The following OXSR1 variants were observed in gnomAD, a reference collection of about 807,000 sequenced individuals.
The protein encoded by OXSR1 is serine/threonine-protein kinase OSR1.
OXSR1 carries 24 observed loss-of-function variants against 79.8 expected under a neutral mutation model. That is an observed-to-expected ratio of 0.30 (90% CI 0.22 to 0.42). The LOEUF (loss-of-function observed/expected upper bound fraction) is 0.42. OXSR1 is among the 10% of genes least tolerant of loss of function. The pLI is 1.00. For missense variants in OXSR1, 430 were observed against 618.4 expected, an observed-to-expected ratio of 0.70 and a Z score of 3.23; for synonymous variants, 226 against 209.2, an observed-to-expected ratio of 1.08 and a Z score of -0.69.
At chr3:38,185,076 C>A (rs1157140626) in intron 2 of OXSR1, among the ~76,000 whole-genome samples, 1 of 149,904 alleles carries the variant, frequency 6.7e-6, no homozygotes, top group Non-Finnish European at 1.5e-5. Context: ...GAACATTGAT[C>A]GCACCATTGC....
At chr3:38,243,762 T>G (rs771494710) in intron 12 of OXSR1, among the ~76,000 whole-genome samples, 11 of 152,276 alleles carry the variant, frequency 7.2e-5, no homozygotes, top group Non-Finnish European at 1.5e-5. Flanking sequence ...AAACAAATAC[T>G]GTTCCTTCAC....
rs1306828797 is a variant in OXSR1, at chr3:38,254,449, A to C, written c.*1558A>C. On this transcript the variant is annotated 3_prime_UTR_variant, in exon 18 of 18. Coordinates refer to ENST00000311806, the MANE Select transcript of OXSR1 (RefSeq NM_005109.3). ...GGGAGGAAGAGAGGAGATGGATTTCAGTTGGGAGTTAGGAGGAGAGTAGGT... is the reference window on the plus strand; with the variant it reads ...GGGAGGAAGAGAGGAGATGGATTTCCGTTGGGAGTTAGGAGGAGAGTAGGT... 1 of 387,754 alleles carries C rather than the reference A, an allele frequency of 2.6e-6. No homozygotes were observed. The highest frequency in any genetic ancestry group is 2.1e-5 in the African/African-American group (1 of 48,280). The allele number at this position is 387,754 out of a possible 1,614,324, so 24.0% of individuals were successfully genotyped here.
At chr3:38,217,783 C>T (rs1236043427) in intron 5 of OXSR1, among the ~76,000 whole-genome samples, 1 of 152,148 alleles carries the variant, frequency 6.6e-6, no homozygotes, top group East Asian at 1.9e-4. Context: ...CTCATTCCAC[C>T]TCTCACCCCA....
chr3:38,233,692 T>C (rs902782815), intron 10 of OXSR1, among the ~76,000 whole-genome samples: 2 of 151,936 alleles, frequency 1.3e-5, no homozygotes, highest in African/African-American at 2.4e-5. Flanking sequence ...GTCAGGAGGA[T>C]TGCTTGAGCT....
At chr3:38,231,900 A>T (rs892341227) in intron 10 of OXSR1, among the ~76,000 whole-genome samples, 1 of 152,158 alleles carries the variant, frequency 6.6e-6, no homozygotes, top group African/African-American at 2.4e-5. Flanking sequence ...TGAGGCCAGG[A>T]GTTCAAGACC....
chr3:38,216,796 A>C (rs947812522), intron 5 of OXSR1, among the ~76,000 whole-genome samples: 1 of 152,170 alleles, frequency 6.6e-6, no homozygotes, highest in Non-Finnish European at 1.5e-5. Flanking sequence ...TAATCACCCA[A>C]ATCTTAAATT....
At chr3:38,172,369 G>A (rs1701598526) in intron 1 of OXSR1, among the ~76,000 whole-genome samples, 1 of 152,152 alleles carries the variant, frequency 6.6e-6, no homozygotes, top group African/African-American at 2.4e-5. Context: ...AATACAATAT[G>A]ATGGCAGAGA....
chr3:38,230,641 G>T, intron 10 of OXSR1: 2 of 463,090 alleles, frequency 4.3e-6, no homozygotes, highest in Non-Finnish European at 4.0e-6. Flanking sequence ...GATGAAAAGG[G>T]ATGCTAGACA....
At chr3:38,236,071 A>C (rs1702912212) in intron 10 of OXSR1, among the ~76,000 whole-genome samples, 1 of 152,228 alleles carries the variant, frequency 6.6e-6, no homozygotes, top group Non-Finnish European at 1.5e-5. Flanking sequence ...TAAACAGCTG[A>C]GAGAATAAAT....
intron 4 of OXSR1, among the ~76,000 whole-genome samples, chr3:38,201,647 T>C (rs1702166736): frequency 6.6e-6 from 1 of 151,798 alleles, no homozygotes; most frequent in Non-Finnish European, 1.5e-5. Context: ...GAGACGGAGC[T>C]TGTGGTGAGC....
chr3:38,218,341 A>G (rs1365357788), intron 5 of OXSR1, among the ~76,000 whole-genome samples: 1 of 151,154 alleles, frequency 6.6e-6, no homozygotes, highest in African/African-American at 2.4e-5. Context: ...TTGTTTTTTC[A>G]GGTGGTAGCC....
Position 38,196,756 on chromosome 3 carries a change from C to G in OXSR1, c.293-1966C>G, listed in dbSNP as rs140688306. On this transcript the variant is annotated intron_variant, in intron 3 of 17. Transcript: ENST00000311806. ...TGCTGCATTTGTTTCATCTACCAGA[C>G]TAGAAGTTCCCTTAAAGTTAGCAAT... is the stretch of plus-strand genomic sequence containing the variant. Among the ~76,000 whole-genome samples the G allele has an allele frequency of 1.4e-4, 21 of 152,310 alleles. No homozygotes were observed. The East Asian group carries it at 4.0e-3, about 29-fold the overall frequency.
At chr3:38,220,148 C>T (rs1702560665) in intron 5 of OXSR1, among the ~76,000 whole-genome samples, 2 of 151,798 alleles carry the variant, frequency 1.3e-5, no homozygotes, top group South Asian at 4.2e-4. Context: ...TAAGTGCATT[C>T]AGACAAGATT....
Position 38,236,890 on chromosome 3 carries a change from G to C in OXSR1, c.1003G>C (p.Gly335Arg). 6.2e-7 allele frequency: 1 copy of C among 1,612,926 alleles called. No individual in the cohort carries two copies. Among genetic ancestry groups the C allele is most frequent in the Non-Finnish European group, 8.5e-7 (1 of 1,179,158 alleles). ...GCGTCTTCATAAGACAGAGGATGGA[G>C]GCTGGGAGTGGAGTGATGATGAATT... The part of the protein sequence containing the change: ...SGRLHKTEDG[G>R]WEWSDDEFDE... Residue 335 changes from glycine (G) to arginine (R), a missense_variant, in exon 11 of 18, where the codon GGC becomes CGC. Gly to Arg is a moderately radical substitution (Grantham distance 125, BLOSUM62 -2). Around this residue, in one of 3 missense-constraint regions of OXSR1, gnomAD observed 276 missense variants for 354.2 expected, o/e 0.78. Coordinates refer to ENST00000311806, the MANE Select transcript of OXSR1 (RefSeq NM_005109.3).
intron 8 of OXSR1, among the ~76,000 whole-genome samples, chr3:38,228,807 C>T (rs933098906): frequency 1.3e-5 from 2 of 152,162 alleles, no homozygotes; most frequent in East Asian, 1.9e-4. Flanking sequence ...CTCCTGATAT[C>T]GTGATCCACC....
In OXSR1 at chr3:38,230,424, A is replaced by G. The variant is rs926026289; in HGVS notation, c.945A>G (p.Ala315=). 15 of 1,590,744 alleles carry G rather than the reference A, an allele frequency of 9.4e-6. No homozygotes were observed. Among genetic ancestry groups the G allele is most frequent in the Non-Finnish European group, 1.3e-5 (15 of 1,160,538 alleles). Residue 315 remains alanine, a synonymous_variant, in exon 10 of 18, where the codon GCA becomes GCG. Coordinates refer to ENST00000311806, the MANE Select transcript of OXSR1 (RefSeq NM_005109.3). ...LQRAPTISER[A]KKVRRVPGSS... ...GAGCACCAACCATTTCTGAAAGAGCAAAAAAGGTAAATCAGAATTTAACTC... is the reference window on the plus strand; with the variant it reads ...GAGCACCAACCATTTCTGAAAGAGCGAAAAAGGTAAATCAGAATTTAACTC...
intron 11 of OXSR1, among the ~76,000 whole-genome samples, chr3:38,240,495 T>C (rs932138884): frequency 1.3e-5 from 2 of 152,106 alleles, no homozygotes; most frequent in Non-Finnish European, 1.5e-5. Flanking sequence ...CTTGCATATA[T>C]TTCTCAGCTT....
chr3:38,233,035 G>T (rs1182102143), intron 10 of OXSR1, among the ~76,000 whole-genome samples: 1 of 152,120 alleles, frequency 6.6e-6, no homozygotes, highest in East Asian at 1.9e-4. Flanking sequence ...CAGGAAGATT[G>T]GTTGACAATC....
rs13319314 is a variant in OXSR1 at position 38,195,012 on chromosome 3, T to C, written c.293-3710T>C. ...TTAATTGTGTCAATATTATAATCATTTAATGATGCTTCATTATAACTGTAA... is the reference window on the plus strand; with the variant it reads ...TTAATTGTGTCAATATTATAATCATCTAATGATGCTTCATTATAACTGTAA... On this transcript the variant is annotated intron_variant, in intron 3 of 17. Coordinates refer to ENST00000311806, the MANE Select transcript of OXSR1 (RefSeq NM_005109.3). 6.6e-3 allele frequency among the ~76,000 whole-genome samples: 1,000 copies of C among 152,352 alleles called. 10 individuals carry two copies. The highest frequency in any genetic ancestry group is 0.023 in the African/African-American group (963 of 41,570).
Sources: allele counts gnomAD v4.1 joint callset (sites outside exome capture counted in the v4.1 genomes callset), GRCh38; gene constraint gnomAD v4.1.1; regional missense constraint gnomAD v4.1.1; transcripts MANE v1.5; gene names NCBI Gene and HGNC (gene_info 2026-07-23, HGNC 2026-07-21).